HGSNAT: variants seen among roughly 807,000 people sequenced by gnomAD.
HGSNAT encodes heparan-alpha-glucosaminide N-acetyltransferase.
Under a neutral mutation model 85.2 loss-of-function variants are expected in HGSNAT, and 59 were observed. The ratio of observed to expected loss-of-function variants is 0.69; its 90% CI spans 0.56 to 0.86. The LOEUF (loss-of-function observed/expected upper bound fraction) is 0.86. Ranked by LOEUF, HGSNAT falls within the 40% of genes least tolerant of loss-of-function variation. HGSNAT has a pLI of 0.00. For synonymous variants in HGSNAT, 321 were observed against 304.5 expected (o/e 1.05, Z -0.56); for missense variants, 756 against 777.1 (o/e 0.97, Z 0.32).
At chr8:43,197,298 G>A (rs1804756918) in intron 15 of HGSNAT, 4 of 546,790 alleles carry the variant, frequency 7.3e-6, no homozygotes, top group Non-Finnish European at 1.3e-5. Context: ...TGTGTGGAGA[G>A]GCGTATCAGA....
intron 5 of HGSNAT, among the ~76,000 whole-genome samples, chr8:43,162,271 G>T (rs1384384348): frequency 1.3e-5 from 2 of 152,170 alleles, no homozygotes; most frequent in East Asian, 3.8e-4. Context: ...GCTAGCTTGG[G>T]AAACCCTGAA....
At chr8:43,162,908 G>A (rs1408750576) in intron 5 of HGSNAT, among the ~76,000 whole-genome samples, 3 of 152,036 alleles carry the variant, frequency 2.0e-5, no homozygotes, top group Admixed American at 1.3e-4. Context: ...TAGCTAGGCC[G>A]GGTACGGTGG....
At chr8:43,184,820 G>C (rs1053048781) in intron 11 of HGSNAT, among the ~76,000 whole-genome samples, 5 of 152,170 alleles carry the variant, frequency 3.3e-5, no homozygotes, top group African/African-American at 1.2e-4. Context: ...TGTATAAGGT[G>C]TAAGGAAGCG....
At chr8:43,153,029 C>T (rs940577428) in intron 2 of HGSNAT, among the ~76,000 whole-genome samples, 7 of 151,250 alleles carry the variant, frequency 4.6e-5, no homozygotes, top group African/African-American at 1.5e-4. Context: ...TTGTCTCCCC[C>T]GACAACCATG....
At chr8:43,140,866 C>T (rs2130650731) in intron 1 of HGSNAT, among the ~76,000 whole-genome samples, 2 of 152,236 alleles carry the variant, frequency 1.3e-5, no homozygotes, top group South Asian at 4.1e-4. Flanking sequence ...AACCTGGGCG[C>T]CCAGGCGGCG....
rs527476064 is a variant in HGSNAT, at chr8:43,187,849, A to G, written c.1129-3625A>G. ...GTAAGGTAGGCCTGCTGGTGACAAA[A>G]TCTTTCAGTATTTGTTTGTCTGTAA... On this transcript the variant is annotated intron_variant, in intron 11 of 17. Coordinates refer to ENST00000379644, the MANE Select transcript of HGSNAT (RefSeq NM_152419.3). Among the ~76,000 whole-genome samples the G allele has an allele frequency of 4.6e-5, 7 of 152,266 alleles. No individual in the cohort carries two copies. In the South Asian group the frequency reaches 1.5e-3, roughly 32 times the overall value.
chr8:43,199,129 G>A (rs946181824), intron 17 of HGSNAT, among the ~76,000 whole-genome samples: 5 of 152,052 alleles, frequency 3.3e-5, no homozygotes, highest in African/African-American at 1.2e-4. Context: ...TCGAACTCCT[G>A]GCCTTAAGCG....
At chr8:43,163,803 A>G (rs1347034075) in intron 5 of HGSNAT, among the ~76,000 whole-genome samples, 1 of 152,180 alleles carries the variant, frequency 6.6e-6, no homozygotes, top group Non-Finnish European at 1.5e-5. Context: ...GGCGTGAGCC[A>G]CCATGCCTGG....
chr8:43,182,337 T>C (rs777460135), intron 11 of HGSNAT, 77 bp downstream of exon 11: 1 of 1,173,880 alleles, frequency 8.5e-7, no homozygotes, highest in Non-Finnish European at 1.3e-6. Flanking sequence ...ACGGTCTCAC[T>C]ATGTTGTCCA....
At chr8:43,163,353 C>T (rs950691214) in intron 5 of HGSNAT, among the ~76,000 whole-genome samples, 2 of 152,044 alleles carry the variant, frequency 1.3e-5, no homozygotes, top group African/African-American at 4.8e-5. Context: ...CTTGCCCCCT[C>T]GCTTTCCAAC....
intron 1 of HGSNAT, among the ~76,000 whole-genome samples, chr8:43,146,647 C>T (rs193270596): frequency 1.4e-4 from 22 of 152,246 alleles, no homozygotes; most frequent in Non-Finnish European, 2.9e-5. Context: ...GTTCCTTACA[C>T]GATCCTTTGA....
chr8:43,185,466 G>T (rs1804275013), intron 11 of HGSNAT, among the ~76,000 whole-genome samples: 2 of 152,174 alleles, frequency 1.3e-5, no homozygotes, highest in African/African-American at 4.8e-5. Flanking sequence ...AGGAATGCTT[G>T]TGATTTTTGT....
chr8:43,182,293 T>C, intron 11 of HGSNAT, 33 bp downstream of exon 11: 2 of 1,524,022 alleles, frequency 1.3e-6, no homozygotes, highest in Non-Finnish European at 1.8e-6. Flanking sequence ...AGAAAAACTT[T>C]TTTTAAATTA....
intron 11 of HGSNAT, among the ~76,000 whole-genome samples, chr8:43,186,383 C>T (rs1804311320): frequency 6.6e-6 from 1 of 152,020 alleles, no homozygotes; most frequent in African/African-American, 2.4e-5. Context: ...TGTATGTGTC[C>T]AGGAATTTAT....
chr8:43,141,698 G>A (rs1449260255), intron 1 of HGSNAT, among the ~76,000 whole-genome samples: 4 of 152,028 alleles, frequency 2.6e-5, no homozygotes, highest in Non-Finnish European at 5.9e-5. Context: ...GAGGAGAAAG[G>A]CGTTGTGAAT....
At chr8:43,196,456 G>A (rs1355829325) in intron 14 of HGSNAT, 1 of 1,289,324 alleles carries the variant, frequency 7.8e-7, no homozygotes, top group Non-Finnish European at 1.0e-6. Context: ...TCACCAAACA[G>A]GCCTGTCTGA....
At chr8:43,158,291 G>A (rs1456385782) in intron 2 of HGSNAT, among the ~76,000 whole-genome samples, 1 of 152,118 alleles carries the variant, frequency 6.6e-6, no homozygotes, top group African/African-American at 2.4e-5. Context: ...GTAGAGACAG[G>A]GTTTCACCAT....
intron 9 of HGSNAT, 113 bp from the exon 10 acceptor site, chr8:43,177,961 C>T (rs1278355036): frequency 2.3e-6 from 2 of 865,528 alleles, no homozygotes; most frequent in Non-Finnish European, 3.8e-6. Context: ...CAGTAATTGG[C>T]TACTTTAAAC....
chr8:43,152,507 G>A (rs979091615), intron 2 of HGSNAT, among the ~76,000 whole-genome samples: 9 of 152,168 alleles, frequency 5.9e-5, no homozygotes, highest in Admixed American at 5.2e-4. Flanking sequence ...GGAGTGCAGT[G>A]GTGTGTGATC....
Sources: allele counts gnomAD v4.1 joint callset (sites outside exome capture counted in the v4.1 genomes callset), GRCh38; gene constraint gnomAD v4.1.1; transcripts MANE v1.5; gene names NCBI Gene and HGNC (gene_info 2026-07-23, HGNC 2026-07-21).